Variants in CFAP95 observed in about 807,000 individuals in gnomAD.
The protein encoded by CFAP95 is cilia and flagella associated protein 95.
chr9:69,844,164 A>G, the CFAP95 span, among the ~76,000 whole-genome samples: 2 of 152,316 alleles, frequency 1.3e-5, no homozygotes, highest in South Asian at 4.1e-4. Context: ...TCTAAAGTGG[A>G]AAGTTGCCTT....
chr9:69,841,164 TTATATATA>T, the CFAP95 span, among the ~76,000 whole-genome samples: 111 of 56,070 alleles, frequency 2.0e-3, 3 homozygotes, highest in South Asian at 3.7e-3. Context: ...CCAAGCTGGA[TTATATATA>T]TATATATATA....
At chr9:69,843,547 TCCTCCTC>T in the CFAP95 span, among the ~76,000 whole-genome samples, 28 of 26,200 alleles carry the variant, frequency 1.1e-3, 5 homozygotes, top group Admixed American at 1.5e-3. Context: ...CTCCTCCTCC[TCCTCCTC>T]CTCCTTCTTC....
At chr9:69,834,238 C>G in the CFAP95 span, among the ~76,000 whole-genome samples, 6 of 152,132 alleles carry the variant, frequency 3.9e-5, no homozygotes, top group African/African-American at 1.4e-4. Context: ...TTTCCACCAC[C>G]CAGTGTCTTC....
the CFAP95 span, among the ~76,000 whole-genome samples, chr9:69,855,832 C>G: frequency 6.6e-6 from 1 of 152,086 alleles, no homozygotes; most frequent in Non-Finnish European, 1.5e-5. Context: ...TAAAAAACAA[C>G]AACAACAACA....
At chr9:69,854,420 A>C in the CFAP95 span, among the ~76,000 whole-genome samples, 10 of 152,336 alleles carry the variant, frequency 6.6e-5, no homozygotes, top group Middle Eastern at 3.4e-3. Context: ...AGAACCTAGT[A>C]TGATGCCTGG....
chr9:69,847,374 T>G, the CFAP95 span, among the ~76,000 whole-genome samples: 7 of 152,340 alleles, frequency 4.6e-5, no homozygotes, highest in Admixed American at 2.6e-4. Flanking sequence ...GCTTAATCAC[T>G]GGTGAAAAGT....
the CFAP95 span, chr9:69,858,309 G>A: frequency 6.5e-6 from 2 of 308,262 alleles, no homozygotes; most frequent in Non-Finnish European, 6.2e-6. Flanking sequence ...AAAAGGGAAG[G>A]CACCAGATGT....
chr9:69,828,324 G>A, the CFAP95 span, among the ~76,000 whole-genome samples: 2 of 152,098 alleles, frequency 1.3e-5, no homozygotes, highest in African/African-American at 4.8e-5. Flanking sequence ...ATTAATATTT[G>A]AAATATTAAT....
the CFAP95 span, chr9:69,857,903 T>C: frequency 4.9e-4 from 791 of 1,613,190 alleles, 5 homozygotes; most frequent in African/African-American, 9.4e-3. Flanking sequence ...TGTTATCTTG[T>C]TTTAGGGTCA....
At chr9:69,872,017 T>C in the CFAP95 span, among the ~76,000 whole-genome samples, 1,635 of 152,328 alleles carry the variant, frequency 0.011, 29 homozygotes, top group African/African-American at 0.038. Flanking sequence ...TGCTCATTCT[T>C]TAAGATAGAT....
At chr9:69,897,575 T>C in the CFAP95 span, among the ~76,000 whole-genome samples, 1 of 152,130 alleles carries the variant, frequency 6.6e-6, no homozygotes, top group South Asian at 2.1e-4. Context: ...TGAAATCCTA[T>C]ATGAATGAGT....
the CFAP95 span, among the ~76,000 whole-genome samples, chr9:69,830,767 C>A: frequency 1.3e-5 from 2 of 152,152 alleles, no homozygotes; most frequent in Admixed American, 6.5e-5. Flanking sequence ...CCTGCCCCAG[C>A]CTTCCAAGCA....
chr9:69,855,013 C>T, the CFAP95 span, among the ~76,000 whole-genome samples: 3 of 152,286 alleles, frequency 2.0e-5, no homozygotes, highest in African/African-American at 7.2e-5. Flanking sequence ...TAATGGTTCC[C>T]ACACGTTTAT....
chr9:69,841,164 TTATATATATATATATA>T, the CFAP95 span, among the ~76,000 whole-genome samples: 892 of 56,076 alleles, frequency 0.016, 66 homozygotes, highest in African/African-American at 0.049. Context: ...CCAAGCTGGA[TTATATATATATATATA>T]TATATATATA....
chr9:69,861,015 C>A, the CFAP95 span, among the ~76,000 whole-genome samples: 4 of 152,046 alleles, frequency 2.6e-5, no homozygotes, highest in Non-Finnish European at 2.9e-5. Context: ...TGATAAAAAG[C>A]GTAGTACAGT....
the CFAP95 span, among the ~76,000 whole-genome samples, chr9:69,887,887 C>T: frequency 1.5e-4 from 23 of 152,298 alleles, no homozygotes; most frequent in South Asian, 2.9e-3. Context: ...GCTTGACTTA[C>T]GAGTGAGGAA....
the CFAP95 span, among the ~76,000 whole-genome samples, chr9:69,838,583 G>T: frequency 6.6e-6 from 1 of 151,530 alleles, no homozygotes; most frequent in Non-Finnish European, 1.5e-5. Flanking sequence ...CATTGATTTT[G>T]TATCCTGAGA....
At chr9:69,834,701 C>T in the CFAP95 span, among the ~76,000 whole-genome samples, 1 of 152,142 alleles carries the variant, frequency 6.6e-6, no homozygotes, top group Admixed American at 6.5e-5. Flanking sequence ...AATATATGCT[C>T]AGTGGAGAAG....
the CFAP95 span, among the ~76,000 whole-genome samples, chr9:69,844,925 T>G: frequency 6.6e-6 from 1 of 152,238 alleles, no homozygotes; most frequent in South Asian, 2.1e-4. Context: ...AGCAGCAATA[T>G]CCTGCTAGAT....
Sources: allele counts gnomAD v4.1 joint callset (sites outside exome capture counted in the v4.1 genomes callset), GRCh38; gene constraint gnomAD v4.1.1; transcripts MANE v1.5; gene names NCBI Gene and HGNC (gene_info 2026-07-23, HGNC 2026-07-21).